The following SULF2 variants were observed in gnomAD, a reference collection of about 807,000 sequenced individuals.
The protein encoded by SULF2 is sulfatase 2, also known as extracellular sulfatase Sulf-2.
SULF2 carries 52 observed loss-of-function variants against 107.7 expected under a neutral mutation model. The ratio of observed to expected loss-of-function variants is 0.48; its 90% confidence interval spans 0.39 to 0.61. SULF2 has a LOEUF of 0.61. SULF2 is among the 20% of genes least tolerant of loss of function. The pLI is 0.00. For synonymous variants in SULF2, 460 were observed against 464.3 expected, an observed-to-expected ratio of 0.99 and a Z score of 0.12; for missense variants, 993 against 1,177.3, an observed-to-expected ratio of 0.84 and a Z score of 2.29.
chr20:47,735,903 C>T (rs571468674), intron 3 of SULF2, among the ~76,000 whole-genome samples: 9 of 152,196 alleles, frequency 5.9e-5, no homozygotes, highest in Non-Finnish European at 1.2e-4. Flanking sequence ...AAACAAACCC[C>T]TTGTCACTTG....
At chr20:47,691,637 A>C (rs532560767) in intron 4 of SULF2, among the ~76,000 whole-genome samples, 1 of 152,326 alleles carries the variant, frequency 6.6e-6, no homozygotes, top group Admixed American at 6.5e-5. Flanking sequence ...ATGTGCTCTA[A>C]AAATAGAAGA....
At chr20:47,779,813 G>C (rs1340223363) in intron 1 of SULF2, among the ~76,000 whole-genome samples, 1 of 152,014 alleles carries the variant, frequency 6.6e-6, no homozygotes, top group Admixed American at 6.6e-5. Flanking sequence ...CACCATGTTG[G>C]CCAGGCTAGT....
At chr20:47,677,176 C>T in intron 8 of SULF2, 42 bp from the exon 9 acceptor site, 2 of 1,609,256 alleles carry the variant, frequency 1.2e-6, no homozygotes, top group African/African-American at 2.7e-5. Context: ...AACATGAGGG[C>T]TTCCCACGAC....
intron 3 of SULF2, among the ~76,000 whole-genome samples, chr20:47,716,802 C>A (rs1394060381): frequency 1.3e-5 from 2 of 152,004 alleles, no homozygotes; most frequent in Admixed American, 6.6e-5. Context: ...TTGAGACCAG[C>A]CTGCGTGACA....
chr20:47,661,138 G>GC (rs2087052501), intron 18 of SULF2, among the ~76,000 whole-genome samples: 3 of 151,960 alleles, frequency 2.0e-5, no homozygotes, highest in South Asian at 4.2e-4. Context: ...ACACAGGGTG[G>GC]CCCGATGCCC....
intron 3 of SULF2, among the ~76,000 whole-genome samples, chr20:47,707,929 G>T (rs1163719157): frequency 2.0e-5 from 3 of 152,110 alleles, no homozygotes; most frequent in Admixed American, 2.0e-4. Flanking sequence ...AACAATCTAG[G>T]GTAAAATGTT....
chr20:47,748,218 C>T (rs1175493089), intron 2 of SULF2, among the ~76,000 whole-genome samples: 1 of 152,236 alleles, frequency 6.6e-6, no homozygotes. Flanking sequence ...TTCCCATGTC[C>T]TGCTGCCCTC....
intron 3 of SULF2, among the ~76,000 whole-genome samples, chr20:47,703,508 C>T (rs1297098248): frequency 6.6e-6 from 1 of 152,214 alleles, no homozygotes; most frequent in East Asian, 1.9e-4. Context: ...AAGAAATGGG[C>T]AACACCTAGT....
intron 3 of SULF2, among the ~76,000 whole-genome samples, chr20:47,736,227 A>C (rs928667290): frequency 1.3e-5 from 2 of 152,156 alleles, no homozygotes; most frequent in Non-Finnish European, 2.9e-5. Context: ...CCACCATGTC[A>C]GTTTCTGCAC....
At chr20:47,735,065 C>T (rs1196683066) in intron 3 of SULF2, among the ~76,000 whole-genome samples, 2 of 152,162 alleles carry the variant, frequency 1.3e-5, no homozygotes, top group South Asian at 2.1e-4. Context: ...TATTTCCATG[C>T]CCCCTCTGAA....
intron 7 of SULF2, 113 bp downstream of exon 7, chr20:47,682,881 A>T: frequency 9.6e-7 from 1 of 1,040,536 alleles, no homozygotes; most frequent in Non-Finnish European, 1.4e-6. Flanking sequence ...GCCCTGGGGT[A>T]CATCTGCGAA....
At chr20:47,771,219 G>C (rs1012417781) in intron 1 of SULF2, among the ~76,000 whole-genome samples, 1 of 152,144 alleles carries the variant, frequency 6.6e-6, no homozygotes, top group African/African-American at 2.4e-5. Flanking sequence ...GTGAGCCTCG[G>C]AAAGTCCTGG....
chr20:47,710,844 C>T (rs1010430756), intron 3 of SULF2, among the ~76,000 whole-genome samples: 9 of 152,160 alleles, frequency 5.9e-5, no homozygotes, highest in Non-Finnish European at 7.3e-5. Context: ...AGGCTCCACG[C>T]GGCTGCTTCC....
intron 17 of SULF2, among the ~76,000 whole-genome samples, chr20:47,662,278 A>G (rs1266023131): frequency 1.3e-5 from 2 of 152,148 alleles, no homozygotes; most frequent in African/African-American, 4.8e-5. Flanking sequence ...CAGCCATTTG[A>G]TGAAAGGACG....
intron 14 of SULF2, among the ~76,000 whole-genome samples, 190 bp downstream of exon 14, chr20:47,665,009 G>A (rs542707386): frequency 6.6e-6 from 1 of 152,354 alleles, no homozygotes; most frequent in Admixed American, 6.5e-5. Flanking sequence ...GCGCCAGCCT[G>A]GCTGAGGAGC....
At chr20:47,712,989 C>T (rs1342070937) in intron 3 of SULF2, among the ~76,000 whole-genome samples, 1 of 151,916 alleles carries the variant, frequency 6.6e-6, no homozygotes, top group Non-Finnish European at 1.5e-5. Flanking sequence ...TGCAGTGGAC[C>T]AAGATCCTGC....
At chr20:47,709,518 C>T (rs1249024427) in intron 3 of SULF2, among the ~76,000 whole-genome samples, 1 of 152,158 alleles carries the variant, frequency 6.6e-6, no homozygotes. Flanking sequence ...CTGTTGACTC[C>T]AGGAATGTGT....
intron 2 of SULF2, among the ~76,000 whole-genome samples, chr20:47,754,726 A>G (rs191837520): frequency 1.7e-4 from 26 of 152,384 alleles, no homozygotes; most frequent in African/African-American, 6.3e-4. Context: ...CGTAACAGTG[A>G]AAAACTAACA....
At chr20:47,735,490 G>A (rs2089706783) in intron 3 of SULF2, among the ~76,000 whole-genome samples, 1 of 152,200 alleles carries the variant, frequency 6.6e-6, no homozygotes, top group South Asian at 2.1e-4. Context: ...GCCCACTGCT[G>A]TGCTGCGGGC....
Sources: allele counts gnomAD v4.1 joint callset (sites outside exome capture counted in the v4.1 genomes callset), GRCh38; gene constraint gnomAD v4.1.1; transcripts MANE v1.5; gene names NCBI Gene and HGNC (gene_info 2026-07-23, HGNC 2026-07-21).